CLSTN2: variants seen among roughly 807,000 people sequenced by gnomAD.
CLSTN2 encodes calsyntenin-2.
In CLSTN2, 48 loss-of-function variants were observed where a neutral mutation model predicts 101.2. The observed-to-expected ratio is 0.47, with a 90% CI of 0.38 to 0.60. The LOEUF is 0.60. CLSTN2 is among the 20% of genes least tolerant of loss of function. CLSTN2 has a pLI of 0.00. For synonymous variants in CLSTN2, 481 were observed against 463.6 expected, an observed-to-expected ratio of 1.04 and a Z score of -0.48; for missense variants, 1,160 against 1,238.2, an observed-to-expected ratio of 0.94 and a Z score of 0.95.
At chr3:140,333,522 TAC>T (rs2087408647) in intron 2 of CLSTN2, among the ~76,000 whole-genome samples, 1 of 152,158 alleles carries the variant, frequency 6.6e-6, no homozygotes, top group Admixed American at 6.5e-5. Flanking sequence ...ATGGTCTGAC[TAC>T]AGTTTTACCC....
chr3:140,533,144 G>T (rs1192957376), intron 9 of CLSTN2, among the ~76,000 whole-genome samples: 2 of 152,098 alleles, frequency 1.3e-5, no homozygotes, highest in African/African-American at 4.8e-5. Context: ...TAATCTCCTT[G>T]GGATCAGGAA....
chr3:140,540,647 G>C (rs1249758238), intron 9 of CLSTN2, among the ~76,000 whole-genome samples: 1 of 152,208 alleles, frequency 6.6e-6, no homozygotes. Context: ...GAGGATTCAT[G>C]GCCCCCAGTC....
chr3:140,466,753 T>C lies in CLSTN2; in HGVS notation c.1344+22T>C, dbSNP rs778617100. 2.2e-5 allele frequency: 35 copies of C among 1,613,588 alleles called. 2 individuals carry two copies. In the South Asian group the frequency reaches 3.7e-4, roughly 17 times the overall value. ...TCAGGTATGGTGCTCACCTCACACC[T>C]GCTGCTACTCATGCCTCTGCGGGGG... On this transcript the variant is annotated intron_variant, in intron 8 of 16. Coordinates refer to ENST00000458420, the MANE Select transcript of CLSTN2 (RefSeq NM_022131.3).
chr3:140,062,447 G>A (rs2008223431), intron 1 of CLSTN2, among the ~76,000 whole-genome samples: 1 of 152,154 alleles, frequency 6.6e-6, no homozygotes, highest in African/African-American at 2.4e-5. Flanking sequence ...AGTGCAAAGA[G>A]AAATCAAGCC....
At chr3:140,086,702 T>A (rs1260329458) in intron 1 of CLSTN2, among the ~76,000 whole-genome samples, 1 of 152,208 alleles carries the variant, frequency 6.6e-6, no homozygotes. Context: ...TTTCTACAGT[T>A]CCCCTGGATA....
intron 2 of CLSTN2, among the ~76,000 whole-genome samples, chr3:140,300,811 T>TAC (rs1269402963): frequency 6.6e-6 from 1 of 152,020 alleles, no homozygotes; most frequent in Admixed American, 6.6e-5. Flanking sequence ...GCGATATATA[T>TAC]ATATGCATAC....
chr3:140,299,502 G>A (rs113314600), intron 2 of CLSTN2, among the ~76,000 whole-genome samples: 1,791 of 152,164 alleles, frequency 0.012, 22 homozygotes, highest in African/African-American at 0.039. Flanking sequence ...CGTTTCATTC[G>A]TGTTAACTGC....
At chr3:140,168,842 A>G (rs1423991999) in intron 1 of CLSTN2, among the ~76,000 whole-genome samples, 2 of 152,086 alleles carry the variant, frequency 1.3e-5, no homozygotes, top group East Asian at 3.9e-4. Context: ...TCTTCTTTCC[A>G]TTGATGTATA....
At chr3:140,001,542 G>A (rs1221293493) in intron 1 of CLSTN2, among the ~76,000 whole-genome samples, 1 of 151,660 alleles carries the variant, frequency 6.6e-6, no homozygotes, top group Admixed American at 6.6e-5. Flanking sequence ...TTTTGATACA[G>A]GCATGCAATA....
chr3:140,169,871 T>C (rs1242599367), intron 1 of CLSTN2, among the ~76,000 whole-genome samples: 25 of 152,280 alleles, frequency 1.6e-4, no homozygotes, highest in Admixed American at 1.6e-3. Flanking sequence ...GAATGCCTGC[T>C]GTGTTCCTGG....
chr3:140,137,511 T>C (rs1036804166), intron 1 of CLSTN2, among the ~76,000 whole-genome samples: 4 of 152,182 alleles, frequency 2.6e-5, no homozygotes, highest in African/African-American at 9.7e-5. Flanking sequence ...CTTCGTGTCC[T>C]CTAGTCATGA....
intron 1 of CLSTN2, among the ~76,000 whole-genome samples, chr3:140,059,142 A>C (rs2107771892): frequency 6.6e-6 from 1 of 152,362 alleles, no homozygotes. Flanking sequence ...AATGTACCTA[A>C]CCTCACTGTG....
intron 2 of CLSTN2, among the ~76,000 whole-genome samples, chr3:140,370,332 T>C (rs2087838574): frequency 6.6e-6 from 1 of 152,182 alleles, no homozygotes; most frequent in African/African-American, 2.4e-5. Context: ...AGTCATGGGA[T>C]TGAAGTACAG....
At chr3:140,259,328 G>A (rs962115284) in intron 2 of CLSTN2, among the ~76,000 whole-genome samples, 2 of 151,848 alleles carry the variant, frequency 1.3e-5, no homozygotes, top group Admixed American at 6.6e-5. Context: ...ACAAAAATTA[G>A]CCAGGTGTGG....
At chr3:140,271,287 A>G (rs372327535) in intron 2 of CLSTN2, among the ~76,000 whole-genome samples, 1 of 152,246 alleles carries the variant, frequency 6.6e-6, no homozygotes, top group Admixed American at 6.5e-5. Flanking sequence ...CAAGTGGCAG[A>G]TTATTTGGTG....
rs888025767 is a variant in CLSTN2, at chr3:140,030,139, C to A, written c.109+94656C>A. The stretch of plus-strand genomic sequence containing the variant: ...CAGACCGAGGGGACAGCAACAGGAC[C>A]ACAGAGAAAAAATTACTGTTTCCTG... On this transcript the variant is annotated intron_variant, in intron 1 of 16. Transcript: ENST00000458420. Among the ~76,000 whole-genome samples the A allele has an allele frequency of 2.0e-5, 3 of 152,208 alleles. No individual in the cohort carries two copies. In the South Asian group the frequency reaches 6.2e-4, roughly 32 times the overall value.
At chr3:140,193,241 C>T (rs973212847) in intron 2 of CLSTN2, among the ~76,000 whole-genome samples, 2 of 148,040 alleles carry the variant, frequency 1.4e-5, no homozygotes, top group African/African-American at 4.9e-5. Flanking sequence ...TTCTGATGCT[C>T]CAAGGTTTCC....
chr3:140,418,146 T>C (rs1372443904), intron 4 of CLSTN2, among the ~76,000 whole-genome samples: 4 of 152,132 alleles, frequency 2.6e-5, no homozygotes, highest in Non-Finnish European at 4.4e-5. Context: ...TTTTCAAAAT[T>C]CAATGTGATG....
chr3:140,331,212 CAGGA>C (rs1405584556), intron 2 of CLSTN2, among the ~76,000 whole-genome samples: 1 of 152,094 alleles, frequency 6.6e-6, no homozygotes, highest in East Asian at 1.9e-4. Flanking sequence ...GGCAGAAGGA[CAGGA>C]AGCAAGCATC....
Sources: gnomAD v4.1 joint callset for allele counts (sites outside exome capture counted in the v4.1 genomes callset) on GRCh38, gnomAD v4.1.1 for gene constraint, MANE v1.5 for transcripts, NCBI Gene and HGNC (gene_info 2026-07-23, HGNC 2026-07-21) for gene names.